Variants in NRXN1 observed in about 807,000 individuals in gnomAD.
NRXN1 encodes neurexin-1.
In NRXN1, 39 loss-of-function variants were observed where a neutral mutation model predicts 150.9. The ratio of observed to expected loss-of-function variants is 0.26; its 90% CI spans 0.20 to 0.34. The LOEUF is 0.34. Among genes scored for constraint, NRXN1 ranks in the 10% least tolerant of loss-of-function variants. The probability of loss-of-function intolerance (pLI) is 1.00; values close to 1 mark genes in which losing one functional copy is unlikely to be tolerated. For missense variants in NRXN1, 1,815 were observed against 1,949.9 expected (o/e 0.93, Z 1.30); for synonymous variants, 924 against 757.0 (o/e 1.22, Z -3.62).
chr2:50,561,314 T>C (rs1161496071), intron 8 of NRXN1, among the ~76,000 whole-genome samples: 3 of 152,258 alleles, frequency 2.0e-5, no homozygotes, highest in Non-Finnish European at 4.4e-5. Flanking sequence ...ATGTCTATTT[T>C]TCTCACATTA....
intron 18 of NRXN1, among the ~76,000 whole-genome samples, chr2:50,175,656 T>C (rs193137049): frequency 6.6e-6 from 1 of 152,230 alleles, no homozygotes; most frequent in Non-Finnish European, 1.5e-5. Context: ...CATGTCTATC[T>C]ATACATATAC....
chr2:50,141,594 G>A (rs1293065521), intron 18 of NRXN1, among the ~76,000 whole-genome samples: 1 of 151,874 alleles, frequency 6.6e-6, no homozygotes, highest in African/African-American at 2.4e-5. Context: ...ACAAGGAGCT[G>A]AAACAATTCA....
At chr2:50,603,097 T>G (rs185257123) in intron 8 of NRXN1, among the ~76,000 whole-genome samples, 33 of 152,280 alleles carry the variant, frequency 2.2e-4, no homozygotes, top group African/African-American at 7.7e-4. Flanking sequence ...AAACAATTAT[T>G]TAAAAATGGA....
chr2:50,640,773 T>C (rs1056761757), intron 5 of NRXN1, among the ~76,000 whole-genome samples: 2 of 152,206 alleles, frequency 1.3e-5, no homozygotes, highest in Non-Finnish European at 2.9e-5. Context: ...CTAAATTCAG[T>C]TGTTTTCAAT....
In NRXN1 at chr2:50,701,000, C is replaced by T. The variant is rs1693664010; in HGVS notation, c.833-77385G>A. On this transcript the variant is annotated intron_variant, in intron 5 of 22. Coordinates refer to ENST00000401669, the MANE Select transcript of NRXN1 (RefSeq NM_001330078.2). ...GATTTTTAAAATCTCTTAAATTGTC[C>T]GAAGGGTGCTTCTTCCACTACATCA... Among the ~76,000 whole-genome samples, 3 of 151,954 alleles carry T rather than the reference C, an allele frequency of 2.0e-5. No individual in the cohort carries two copies. The South Asian group carries it at 6.2e-4, about 32-fold the overall frequency.
intron 17 of NRXN1, among the ~76,000 whole-genome samples, chr2:50,310,169 T>C (rs541519283): frequency 6.6e-6 from 1 of 152,318 alleles, no homozygotes; most frequent in East Asian, 1.9e-4. Context: ...CAAGGCAACA[T>C]TTCAGGCAGC....
intron 5 of NRXN1, among the ~76,000 whole-genome samples, chr2:50,722,651 CTTTT>C (rs1696826728): frequency 6.6e-6 from 1 of 152,132 alleles, no homozygotes; most frequent in African/African-American, 2.4e-5. Flanking sequence ...CTGCTTTTTG[CTTTT>C]TTATGTTTTG....
chr2:49,964,517 T>C (rs1004870955), intron 21 of NRXN1, among the ~76,000 whole-genome samples: 1 of 150,548 alleles, frequency 6.6e-6, no homozygotes, highest in Admixed American at 6.6e-5. Context: ...GAGGTGGAGG[T>C]TGCGGTGAGC....
At chr2:50,378,323 A>T (rs185668120) in intron 17 of NRXN1, among the ~76,000 whole-genome samples, 12 of 152,324 alleles carry the variant, frequency 7.9e-5, no homozygotes, top group African/African-American at 2.6e-4. Context: ...AGATGGGGTT[A>T]TCTCCTGATA....
chr2:50,306,097 C>G (rs977022083), intron 17 of NRXN1, among the ~76,000 whole-genome samples: 1 of 152,018 alleles, frequency 6.6e-6, no homozygotes, highest in Non-Finnish European at 1.5e-5. Context: ...CATAAAGAAG[C>G]CTTTAGACCT....
At chr2:50,111,132 A>G (rs1321433437) in intron 18 of NRXN1, among the ~76,000 whole-genome samples, 1 of 152,212 alleles carries the variant, frequency 6.6e-6, no homozygotes, top group Non-Finnish European at 1.5e-5. Context: ...AACTAGCGAA[A>G]GAAATGATAA....
Position 50,541,054 on chromosome 2 carries a change from G to A in NRXN1, c.1760-2418C>T, listed in dbSNP as rs565231426. Among the ~76,000 whole-genome samples, 3 of 152,198 alleles carry A rather than the reference G, an allele frequency of 2.0e-5. No individual in the cohort carries two copies. The East Asian group carries it at 5.8e-4, about 29-fold the overall frequency. On this transcript the variant is annotated intron_variant, in intron 9 of 22. Transcript: ENST00000401669. The stretch of plus-strand genomic sequence containing the variant: ...CTCCTAAAAGCCGTAGAATTTTTGA[G>A]GATTTGACGAAATGAATATCCACTA...
intron 18 of NRXN1, among the ~76,000 whole-genome samples, chr2:50,174,315 T>G (rs1344015099): frequency 1.3e-5 from 2 of 152,152 alleles, no homozygotes; most frequent in Non-Finnish European, 1.5e-5. Flanking sequence ...TTATTTCACC[T>G]TTTAGAGCTT....
chr2:50,306,158 T>G (rs537682678), intron 17 of NRXN1, among the ~76,000 whole-genome samples: 14 of 152,310 alleles, frequency 9.2e-5, no homozygotes, highest in Admixed American at 5.9e-4. Flanking sequence ...ATTAATCTAT[T>G]GGGGAGTTAA....
At position 50,878,314 on chromosome 2, in the gene NRXN1, CTG is replaced by C. The variant is rs1450311879; in HGVS notation, c.832+43553_832+43554del. On this transcript the variant is annotated intron_variant, in intron 5 of 22. Transcript: ENST00000401669. ...GGCTGAGTGCCATTTTAAATTTTCC[CTG>C]TGAGTAGAAGGCCCTGTGAAGTAGC... is the stretch of plus-strand genomic sequence containing the variant. 5.9e-5 allele frequency among the ~76,000 whole-genome samples: 9 copies of C among 152,012 alleles called. No individual in the cohort carries two copies. The East Asian group carries it at 1.6e-3, about 26-fold the overall frequency.
intron 5 of NRXN1, among the ~76,000 whole-genome samples, chr2:50,626,405 C>T (rs1296527843): frequency 6.6e-6 from 1 of 151,770 alleles, no homozygotes; most frequent in African/African-American, 2.4e-5. Flanking sequence ...AATTATAGTG[C>T]TGAAGAAAAT....
chr2:50,164,916 A>C (rs2059581789), intron 18 of NRXN1, among the ~76,000 whole-genome samples: 1 of 152,168 alleles, frequency 6.6e-6, no homozygotes, highest in African/African-American at 2.4e-5. Flanking sequence ...CAGTGGAGTG[A>C]AGCAAAGAAC....
intron 17 of NRXN1, among the ~76,000 whole-genome samples, chr2:50,378,078 G>A (rs1441374486): frequency 6.6e-6 from 1 of 152,128 alleles, no homozygotes; most frequent in Non-Finnish European, 1.5e-5. Flanking sequence ...CAGGCACAAA[G>A]AAGAAGAGAA....
At chr2:50,996,629 T>C (rs1699326304) in intron 2 of NRXN1, among the ~76,000 whole-genome samples, 1 of 152,008 alleles carries the variant, frequency 6.6e-6, no homozygotes, top group African/African-American at 2.4e-5. Context: ...TTCAGGATTC[T>C]AGAGCTACAA....
Sources: gnomAD v4.1 joint callset for allele counts (sites outside exome capture counted in the v4.1 genomes callset) on GRCh38, gnomAD v4.1.1 for gene constraint, MANE v1.5 for transcripts, NCBI Gene and HGNC (gene_info 2026-07-23, HGNC 2026-07-21) for gene names.